Variants in TFRC observed in about 807,000 individuals in gnomAD.
TFRC encodes transferrin receptor protein 1.
In TFRC, 35 loss-of-function variants were observed where a neutral mutation model predicts 85.8. The observed-to-expected ratio is 0.41, with a 90% CI of 0.31 to 0.54. The LOEUF is 0.54. Ranked by LOEUF, TFRC falls within the 20% of genes least tolerant of loss-of-function variation. The probability of loss-of-function intolerance (pLI) is 0.31; values close to 1 mark genes in which losing one functional copy is unlikely to be tolerated. For synonymous variants in TFRC, 362 were observed against 328.6 expected (o/e 1.10, Z -1.10); for missense variants, 828 against 921.5 (o/e 0.90, Z 1.31).
At chr3:196,069,429 T>G (rs750097885) in intron 7 of TFRC, 26 bp downstream of exon 7, 2 of 1,337,386 alleles carry the variant, frequency 1.5e-6, no homozygotes, top group Non-Finnish European at 2.1e-6. Flanking sequence ...AGTACTGTAT[T>G]TAATATTATA....
intron 17 of TFRC, 98 bp downstream of exon 17, chr3:196,054,982 C>G (rs1716648465): frequency 1.3e-5 from 16 of 1,205,256 alleles, no homozygotes; most frequent in Non-Finnish European, 1.9e-5. Flanking sequence ...TGTACTATGG[C>G]TACAATCACC....
intron 12 of TFRC, 57 bp downstream of exon 12, chr3:196,062,797 A>G (rs954720499): frequency 6.3e-7 from 1 of 1,594,480 alleles, no homozygotes; most frequent in Non-Finnish European, 8.6e-7. Context: ...TCACTTCTGG[A>G]CAACAGCCTA....
In TFRC at chr3:196,060,250, G is replaced by C. The variant is rs969660852; in HGVS notation, c.1469-3C>G. The stretch of plus-strand genomic sequence containing the variant: ...AGAAACCTTGAAGTTGCTGGTACCT[G>C]AAAATAAATTGTTTTATCATTGCCC... On this transcript the variant is annotated splice_region_variant and splice_polypyrimidine_tract_variant and intron_variant, in intron 13 of 18. Coordinates refer to ENST00000360110, the MANE Select transcript of TFRC (RefSeq NM_001128148.3). 1 of 1,613,456 alleles carries C rather than the reference G, an allele frequency of 6.2e-7. No homozygotes were observed. The highest frequency in any genetic ancestry group is 1.3e-5 in the African/African-American group (1 of 74,900).
At chr3:196,072,280 C>T in intron 4 of TFRC, 128 bp from the exon 5 acceptor site, 3 of 1,253,518 alleles carry the variant, frequency 2.4e-6, no homozygotes, top group African/African-American at 1.5e-5. Context: ...GAACTGTGAC[C>T]CAAAACTTCT....
Position 196,064,420 on chromosome 3 carries a change from C to T in TFRC, c.1207G>A (p.Val403Ile), listed in dbSNP as rs1179753643. The change falls in exon 11 of 19, where the codon GTT becomes ATT. Residue 403 changes from valine to isoleucine, a missense_variant. Physicochemically the swap from Val to Ile is conservative, Grantham distance 29. Coordinates refer to ENST00000360110, the MANE Select transcript of TFRC (RefSeq NM_001128148.3). ...IKGFVEPDHY[V>I]VVGAQRDAWG... ...GCATCTCTCTGGGCCCCAACTACAACATAGTGATCTTTAAAAAAGAAAAAA... is the reference window on the plus strand; with the variant it reads ...GCATCTCTCTGGGCCCCAACTACAATATAGTGATCTTTAAAAAAGAAAAAA... The T allele has an allele frequency of 2.5e-6, 4 of 1,580,024 alleles. No individual in the cohort carries two copies. The highest frequency in any genetic ancestry group is 1.7e-4 in the Middle Eastern group (1 of 5,880).
Position 196,051,529 on chromosome 3 carries a change from C to A in TFRC, c.*413G>T. On this transcript the variant is annotated 3_prime_UTR_variant, in exon 19 of 19. Coordinates refer to ENST00000360110, the MANE Select transcript of TFRC (RefSeq NM_001128148.3). ...TGGAGAAGGTCTTTCAACCTGGTAT[C>A]TCCTATTTAGCATCAAATGAAGTTG... is the stretch of plus-strand genomic sequence containing the variant. 1 of 236,624 alleles carries A rather than the reference C, an allele frequency of 4.2e-6. No individual in the cohort carries two copies. Among genetic ancestry groups the A allele is most frequent in the Non-Finnish European group, 8.4e-6 (1 of 119,724 alleles). The allele number at this position is 236,624 out of a possible 1,614,324, so 14.7% of individuals were successfully genotyped here.
intron 17 of TFRC, 35 bp from the exon 18 acceptor site, chr3:196,053,593 T>C: frequency 6.2e-7 from 1 of 1,610,832 alleles, no homozygotes; most frequent in Non-Finnish European, 8.5e-7. Context: ...AGAAGTTTTA[T>C]TTCTAAGGAC....
At chr3:196,075,490 A>T (rs1051267109) in intron 2 of TFRC, 130 bp from the exon 3 acceptor site, 2 of 857,112 alleles carry the variant, frequency 2.3e-6, no homozygotes, top group Non-Finnish European at 3.7e-6. Flanking sequence ...TCTCCTTTCA[A>T]ACCAACATTC....
At chr3:196,063,032 T>C (rs1717415248) in intron 11 of TFRC, 93 bp from the exon 12 acceptor site, 3 of 939,830 alleles carry the variant, frequency 3.2e-6, no homozygotes, top group Non-Finnish European at 4.8e-6. Flanking sequence ...GAAGGTCTAA[T>C]TCCAAGATAG....
At chr3:196,061,421 C>T (rs1305288767) in intron 13 of TFRC, among the ~76,000 whole-genome samples, 2 of 151,994 alleles carry the variant, frequency 1.3e-5, no homozygotes, top group East Asian at 3.8e-4. Context: ...TTTTTTGCTT[C>T]AGGATACTTT....
At position 196,068,067 on chromosome 3, in the gene TFRC, G is replaced by C; in HGVS notation, c.865C>G (p.Pro289Ala). 6.2e-7 allele frequency: 1 copy of C among 1,613,120 alleles called. No homozygotes were observed. The change falls in exon 8 of 19, where the codon CCC becomes GCC. Residue 289 changes from proline to alanine, a missense_variant. Physicochemically the swap from Pro to Ala is conservative, Grantham distance 27. Transcript: ENST00000360110. Reference sequence around the variant, plus strand: ...AATGAAAGTTCTGCGTTAACAATGGGAAATTTAGTCTGGTCCATGTATATC... The same window carrying C: ...AATGAAAGTTCTGCGTTAACAATGGCAAATTTAGTCTGGTCCATGTATATC... ...VLIYMDQTKF[P>A]IVNAELSFFG...
intron 6 of TFRC, chr3:196,069,772 G>T: frequency 2.2e-6 from 1 of 459,210 alleles, no homozygotes; most frequent in East Asian, 3.7e-5. Context: ...AAGATTTTTG[G>T]CCTCCTATGT....
chr3:196,062,208 A>C (rs541750546), intron 13 of TFRC, among the ~76,000 whole-genome samples: 1 of 142,788 alleles, frequency 7.0e-6, no homozygotes. Flanking sequence ...ATACAGTGAG[A>C]CCCTGTCTCA....
rs1405410644 is a variant in TFRC, at chr3:196,077,089, T to A, written c.11A>T (p.Gln4Leu). ...CAAGTTAGAGAATGCTGATCTAGCT[T>A]GATCCATCATTCTGAACTGCCACAC... MMD[Q>L]ARSAFSNLFG... The change falls in exon 2 of 19, where the codon CAA becomes CTA. Residue 4 changes from glutamine (Q) to leucine (L), a missense_variant. By Grantham distance (113) the Gln-to-Leu change is moderately radical. Transcript: ENST00000360110. 1 of 1,613,856 alleles carries A rather than the reference T, an allele frequency of 6.2e-7. No homozygotes were observed. Among genetic ancestry groups the A allele is most frequent in the Admixed American group, 1.7e-5 (1 of 60,006 alleles).
Position 196,055,171 on chromosome 3 carries a change from T to C in TFRC, c.1808A>G (p.His603Arg), listed in dbSNP as rs1365015218. Residue 603 changes from histidine to arginine, a missense_variant, in exon 17 of 19, where the codon CAT becomes CGT. Physicochemically the swap from His to Arg is conservative, Grantham distance 29 (BLOSUM62 0). Transcript: ENST00000360110. ...VAGQFVIKLT[H>R]DVELNLDYER... ...ATAGTCCAGGTTCAATTCAACATCA[T>C]GGGTTAGTTTAATCACGAACTGACC... is the stretch of plus-strand genomic sequence containing the variant. 2 of 1,614,112 alleles carry C rather than the reference T, an allele frequency of 1.2e-6. No individual in the cohort carries two copies. Among genetic ancestry groups the C allele is most frequent in the East Asian group, 4.5e-5 (2 of 44,898 alleles).
At chr3:196,071,227 T>A (rs1430917162) in intron 6 of TFRC, among the ~76,000 whole-genome samples, 169 bp downstream of exon 6, 1 of 152,112 alleles carries the variant, frequency 6.6e-6, no homozygotes, top group Non-Finnish European at 1.5e-5. Flanking sequence ...GGAAAGTGAT[T>A]AGAGAGAGAA....
At chr3:196,078,687 C>A (rs568673382) in intron 1 of TFRC, among the ~76,000 whole-genome samples, 15 of 152,084 alleles carry the variant, frequency 9.9e-5, no homozygotes, top group African/African-American at 3.1e-4. Context: ...AAAGAAAAAG[C>A]TCTAAAACCT....
chr3:196,058,229 A>C, intron 16 of TFRC, 55 bp downstream of exon 16: 5 of 1,450,334 alleles, frequency 3.4e-6, no homozygotes, highest in Non-Finnish European at 4.8e-6. Context: ...CCAAATACAG[A>C]TCACTTCCTT....
chr3:196,056,953 C>T (rs917582476), intron 16 of TFRC, among the ~76,000 whole-genome samples: 1 of 152,130 alleles, frequency 6.6e-6, no homozygotes, highest in Non-Finnish European at 1.5e-5. Flanking sequence ...TCCTGAGTAG[C>T]TGGGGTTACA....
Sources: allele counts gnomAD v4.1 joint callset (sites outside exome capture counted in the v4.1 genomes callset), GRCh38; gene constraint gnomAD v4.1.1; transcripts MANE v1.5; gene names NCBI Gene and HGNC (gene_info 2026-07-23, HGNC 2026-07-21).